ITGBL1: variants seen among roughly 807,000 people sequenced by gnomAD.
ITGBL1 encodes integrin subunit beta like 1, also known as integrin beta-like protein 1.
A neutral mutation model predicts 68.5 loss-of-function variants in ITGBL1; 51 were observed. That is an observed-to-expected ratio of 0.74 (90% CI 0.59 to 0.94). The LOEUF is 0.94. ITGBL1 is among the 40% of genes least tolerant of loss of function. The pLI, the probability that ITGBL1 is intolerant of heterozygous loss-of-function variation, is 0.00. For synonymous variants in ITGBL1, 209 were observed against 227.3 expected (o/e 0.92, Z 0.72); for missense variants, 649 against 647.4 (o/e 1.00, Z -0.03).
intron 7 of ITGBL1, among the ~76,000 whole-genome samples, chr13:101,630,975 T>C (rs2031959703): frequency 6.6e-6 from 1 of 152,222 alleles, no homozygotes; most frequent in Non-Finnish European, 1.5e-5. Flanking sequence ...GTCGCTTTGC[T>C]GGTTCTGTAG....
chr13:101,602,801 C>G (rs900263950), intron 7 of ITGBL1, among the ~76,000 whole-genome samples: 4 of 152,012 alleles, frequency 2.6e-5, no homozygotes, highest in African/African-American at 9.7e-5. Flanking sequence ...TCTGAGTATT[C>G]CATACAAATG....
chr13:101,715,343 T>G lies in ITGBL1; in HGVS notation c.1394-220T>G, dbSNP rs369637216. ...GTGATACAGGATGGTGACTATCTGA[T>G]CGGTAAAGGGTGGCACCAAATAAAT... On this transcript the variant is annotated intron_variant, in intron 10 of 10. Transcript: ENST00000376180. The G allele has an allele frequency of 2.0e-4, 103 of 513,914 alleles. 1 individual carries two copies. The highest frequency in any genetic ancestry group is 1.2e-3 in the South Asian group (48 of 41,504). The allele number at this position is 513,914 out of a possible 1,614,324, so 31.8% of individuals were successfully genotyped here.
downstream of ITGBL1, chr13:101,718,207 G>A (rs931407605): frequency 6.6e-6 from 1 of 152,026 alleles, no homozygotes; most frequent in African/African-American, 2.4e-5. Context: ...ACTTATTTCT[G>A]TCCACTATGT....
At chr13:101,661,015 G>C (rs1010743181) in intron 7 of ITGBL1, among the ~76,000 whole-genome samples, 2 of 151,894 alleles carry the variant, frequency 1.3e-5, no homozygotes, top group Non-Finnish European at 2.9e-5. Flanking sequence ...TTCAATTAAA[G>C]AAATATGAAA....
chr13:101,602,918 A>G (rs984411803), intron 7 of ITGBL1, among the ~76,000 whole-genome samples: 1 of 151,984 alleles, frequency 6.6e-6, no homozygotes, highest in Non-Finnish European at 1.5e-5. Flanking sequence ...ATTGCTTTTT[A>G]TGGCTGAATA....
chr13:101,515,869 C>T (rs763152319), intron 2 of ITGBL1, among the ~76,000 whole-genome samples: 1 of 152,024 alleles, frequency 6.6e-6, no homozygotes, highest in Admixed American at 6.6e-5. Context: ...ACCATTCTAC[C>T]TTTTTCAATT....
At chr13:101,496,355 T>C (rs796430399) in intron 2 of ITGBL1, among the ~76,000 whole-genome samples, 4 of 152,142 alleles carry the variant, frequency 2.6e-5, no homozygotes, top group African/African-American at 9.7e-5. Context: ...TTCTTGTGTT[T>C]CAAATTCCCT....
intron 2 of ITGBL1, among the ~76,000 whole-genome samples, chr13:101,477,243 C>T (rs1421410669): frequency 6.6e-6 from 1 of 151,956 alleles, no homozygotes; most frequent in Non-Finnish European, 1.5e-5. Context: ...CCTGAATGAC[C>T]AATGGGTCAA....
intron 7 of ITGBL1, among the ~76,000 whole-genome samples, chr13:101,629,966 G>C (rs986075537): frequency 6.6e-6 from 1 of 152,092 alleles, no homozygotes; most frequent in Non-Finnish European, 1.5e-5. Context: ...GGGATTACAG[G>C]TGCCTGCCAC....
chr13:101,715,860 T>G lies in ITGBL1; in HGVS notation c.*206T>G, dbSNP rs2034698889. On this transcript the variant is annotated 3_prime_UTR_variant, in exon 11 of 11. Coordinates refer to ENST00000376180, the MANE Select transcript of ITGBL1 (RefSeq NM_004791.3). ...GCAAATAACATTAGAAAAAAAAGAT[T>G]CTTCCATAATTAACATAAGTGGTTC... 1 of 455,494 alleles carries G rather than the reference T, an allele frequency of 2.2e-6. No individual in the cohort carries two copies. Among genetic ancestry groups the G allele is most frequent in the Non-Finnish European group, 3.9e-6 (1 of 254,352 alleles). 28.2% of individuals were successfully genotyped at this position (455,494 alleles called of 1,614,324 possible).
rs181248196 is a variant in ITGBL1, at chr13:101,563,001, C to T, written c.317-4698C>T. ...AGATCTGAAAAAAATTTGAACAACA[C>T]ACTTCTACATAACCCATAGGTTAAT... is the stretch of plus-strand genomic sequence containing the variant. On this transcript the variant is annotated intron_variant, in intron 2 of 10. Transcript: ENST00000376180. 1.3e-4 allele frequency among the ~76,000 whole-genome samples: 19 copies of T among 151,544 alleles called. No individual in the cohort carries two copies. The East Asian group carries it at 3.7e-3, about 29-fold the overall frequency.
intron 8 of ITGBL1, 152 bp downstream of exon 8, chr13:101,692,853 G>A: frequency 1.6e-6 from 1 of 644,592 alleles, no homozygotes; most frequent in Admixed American, 2.6e-5. Context: ...TATACAATTA[G>A]GTTTGTAATG....
intron 3 of ITGBL1, among the ~76,000 whole-genome samples, chr13:101,570,682 A>G (rs988765149): frequency 2.2e-4 from 33 of 152,184 alleles, no homozygotes; most frequent in African/African-American, 7.2e-4. Flanking sequence ...AGAAAAAGAA[A>G]GCAAAGAAAA....
chr13:101,538,788 TC>T (rs2049626988), intron 2 of ITGBL1, among the ~76,000 whole-genome samples: 11 of 152,164 alleles, frequency 7.2e-5, no homozygotes, highest in Admixed American at 7.2e-4. Context: ...AGAGATAAGT[TC>T]TTTTTTAAAA....
At chr13:101,579,549 G>T (rs2050421089) in intron 5 of ITGBL1, 122 bp downstream of exon 5, 11 of 978,796 alleles carry the variant, frequency 1.1e-5, no homozygotes, top group Non-Finnish European at 1.6e-5. Context: ...CATTTACTTT[G>T]ATGTAAATCA....
Position 101,583,219 on chromosome 13 carries a change from C to T in ITGBL1, c.731C>T (p.Thr244Ile). ...PDGKICSNRG[T>I]CVCGECTCHD... ...TAAAATTCTTCTTCCCACCTAGGGA[C>T]TTGTGTATGTGGTGAATGTACCTGT... Residue 244 changes from threonine to isoleucine, a missense_variant, in exon 6 of 11, where the codon ACT becomes ATT. Coordinates refer to ENST00000376180, the MANE Select transcript of ITGBL1 (RefSeq NM_004791.3). 1 of 1,613,278 alleles carries T rather than the reference C, an allele frequency of 6.2e-7. No homozygotes were observed. Among genetic ancestry groups the T allele is most frequent in the Admixed American group, 1.7e-5 (1 of 59,962 alleles).
chr13:101,696,796 T>C (rs1417580247), intron 8 of ITGBL1, among the ~76,000 whole-genome samples: 1 of 152,156 alleles, frequency 6.6e-6, no homozygotes, highest in Non-Finnish European at 1.5e-5. Flanking sequence ...GTGCTCAATA[T>C]TTTTATTTGA....
In ITGBL1 at chr13:101,534,729, G is replaced by C. The variant is rs780165328; in HGVS notation, c.317-32970G>C. Among the ~76,000 whole-genome samples, 87 of 152,266 alleles carry C rather than the reference G, an allele frequency of 5.7e-4. 1 individual carries two copies. The highest frequency in any genetic ancestry group is 2.3e-3 in the Admixed American group (35 of 15,270). ...ATAAAGGTCAAAAAGTTGAAAGAAG[G>C]TGTTGGAGGGTTTTTTAAGGCCGTA... On this transcript the variant is annotated intron_variant, in intron 2 of 10. Transcript: ENST00000376180.
At chr13:101,483,502 G>A (rs2048656695) in intron 2 of ITGBL1, among the ~76,000 whole-genome samples, 1 of 152,152 alleles carries the variant, frequency 6.6e-6, no homozygotes, top group Admixed American at 6.5e-5. Flanking sequence ...TGCTCTAGAA[G>A]TCAATCACTT....
Sources: gnomAD v4.1 joint callset for allele counts (sites outside exome capture counted in the v4.1 genomes callset) on GRCh38, gnomAD v4.1.1 for gene constraint, MANE v1.5 for transcripts, NCBI Gene and HGNC (gene_info 2026-07-23, HGNC 2026-07-21) for gene names.